The following NDST2 variants were observed in gnomAD, a reference collection of about 807,000 sequenced individuals.
The protein encoded by NDST2 is N-deacetylase and N-sulfotransferase 2.
Under a neutral mutation model 86.9 loss-of-function variants are expected in NDST2, and 32 were observed. That is an observed-to-expected ratio of 0.37 (90% CI 0.28 to 0.49). NDST2 has a LOEUF of 0.49. Among genes scored for constraint, NDST2 ranks in the 20% least tolerant of loss-of-function variants. The pLI, the probability that NDST2 is intolerant of heterozygous loss-of-function variation, is 0.97. For missense variants in NDST2, 950 were observed against 1,146.9 expected, an observed-to-expected ratio of 0.83 and a Z score of 2.48; for synonymous variants, 409 against 437.0, an observed-to-expected ratio of 0.94 and a Z score of 0.80.
intron 10 of NDST2, 72 bp from the exon 11 acceptor site, chr10:73,803,820 G>A: frequency 6.2e-7 from 1 of 1,613,750 alleles, no homozygotes; most frequent in Admixed American, 1.7e-5. Context: ...CTGTGCTGAG[G>A]GAAGCTGGAA....
rs369167719 is a variant in NDST2 at position 73,806,249 on chromosome 10, T to C, written c.1434+40A>G. 1.2e-6 allele frequency: 2 copies of C among 1,609,322 alleles called. No homozygotes were observed. The highest frequency in any genetic ancestry group is 2.2e-5 in the East Asian group (1 of 44,874). ...CAATGCATGTTGAAAGCTGTCTAAA[T>C]GTTAGAGTTTGATTCAAGCCTGTAT... On this transcript the variant is annotated intron_variant, in intron 6 of 14. Transcript: ENST00000309979. This position sits in a 1 kb window ranked among gnomAD's most constrained non-coding sequence, Gnocchi z 4.5.
Position 73,802,461 on chromosome 10 carries a change from CTG to C in NDST2, c.2640_2641del (p.Leu882GlyfsTer17), listed in dbSNP as rs1378956234. On this transcript the variant is annotated frameshift_variant, in exon 15 of 15. Coordinates refer to ENST00000309979, the MANE Select transcript of NDST2 (RefSeq NM_003635.4). LOFTEE classifies it high-confidence loss of function. ...TGGGAGGCTGGGACATCAGCCCAGA[CTG>C]GAATGCTGCAGTTCTTCCCGAAGCC... 6.2e-7 allele frequency: 1 copy of C among 1,612,940 alleles called. No homozygotes were observed. The highest frequency in any genetic ancestry group is 2.2e-5 in the East Asian group (1 of 44,870).
Position 73,806,703 on chromosome 10 carries a change from C to T in NDST2, c.1202G>A (p.Arg401His), listed in dbSNP as rs572437582. 6.0e-5 allele frequency: 97 copies of T among 1,614,164 alleles called. No homozygotes were observed. The East Asian group carries it at 9.4e-4, about 16-fold the overall frequency. Reference sequence around the variant, plus strand: ...CCTCATCTGGTCAGCCAGCACGGAGCGATTGTGGAACAGGTGTGGCTGCAT... The same window carrying T: ...CCTCATCTGGTCAGCCAGCACGGAGTGATTGTGGAACAGGTGTGGCTGCAT... ...SHMQPHLFHN[R>H]SVLADQMRLN... Residue 401 changes from arginine to histidine, a missense_variant, in exon 5 of 15, where the codon CGC (arginine) becomes CAC (histidine). Transcript: ENST00000309979. This position sits in a 1 kb window ranked among gnomAD's most constrained non-coding sequence, Gnocchi z 4.5.
At chr10:73,804,119 G>C in intron 9 of NDST2, 103 bp from the exon 10 acceptor site, 1 of 1,417,286 alleles carries the variant, frequency 7.1e-7, no homozygotes. Flanking sequence ...CTCTGGGTAG[G>C]AAAATCCCCT....
Position 73,808,451 on chromosome 10 carries a change from A to G in NDST2, c.-63T>C. On this transcript the variant is annotated 5_prime_UTR_variant, in exon 3 of 15. Transcript: ENST00000309979. This position sits in a 1 kb window ranked among gnomAD's most constrained non-coding sequence, Gnocchi z 4.3. ...TCAGGGGATGGGAGGTAGGAGTTCT[A>G]TAGGCTAGGACTGTCTTGGAAGGGT... 1.4e-6 allele frequency: 2 copies of G among 1,464,960 alleles called. No individual in the cohort carries two copies. Among genetic ancestry groups the G allele is most frequent in the African/African-American group, 1.4e-5 (1 of 71,308 alleles). 90.7% of individuals were successfully genotyped at this position (1,464,960 alleles called of 1,614,324 possible). A position where few individuals can be genotyped will look rare whatever the true frequency, so the allele number is the denominator to read the frequency against.
chr10:73,807,292 G>A (rs1309042624), intron 3 of NDST2, 92 bp downstream of exon 3: 13 of 1,565,716 alleles, frequency 8.3e-6, no homozygotes, highest in Non-Finnish European at 1.1e-5. Flanking sequence ...GGCAGGGAGT[G>A]TACCTATGAC....
chr10:73,802,016 T>TGACA lies in NDST2; in HGVS notation c.*431_*434dup. On this transcript the variant is annotated 3_prime_UTR_variant, in exon 15 of 15. Transcript: ENST00000309979. ...CGACCTCATCCCCATTCAATGTGAA[T>TGACA]GACATTAGGGAGGCCGGGCCACAGG... 1 of 356,242 alleles carries TGACA rather than the reference T, an allele frequency of 2.8e-6. No homozygotes were observed. Among genetic ancestry groups the TGACA allele is most frequent in the East Asian group, 7.6e-5 (1 of 13,120 alleles). The allele number at this position is 356,242 out of a possible 1,614,324, so 22.1% of individuals were successfully genotyped here.
chr10:73,806,441 C>T lies in NDST2; in HGVS notation c.1282G>A (p.Val428Met). 6.2e-7 allele frequency: 1 copy of T among 1,606,612 alleles called. No individual in the cohort carries two copies. Among genetic ancestry groups the T allele is most frequent in the South Asian group, 1.1e-5 (1 of 90,152 alleles). The change falls in exon 6 of 15, where the codon GTG becomes ATG. Residue 428 changes from valine (V) to methionine (M), a missense_variant. This residue lies in a region of NDST2 where 586 missense variants were observed against 714.0 expected (regional missense o/e 0.82). Coordinates refer to ENST00000309979, the MANE Select transcript of NDST2 (RefSeq NM_003635.4). The surrounding 1 kb of genome is among the most constrained non-coding windows in gnomAD (Gnocchi z 4.5). ...HGIPTDLGYA[V>M]APHHSGVYPI... ...TACACACCCGAGTGGTGGGGGGCCA[C>T]AGCATACCCCAGGTCCGTGGGAATC...
rs2084151264 is a variant in NDST2, at chr10:73,808,797, A to G, written c.-341-68T>C. 2 of 170,158 alleles carry G rather than the reference A, an allele frequency of 1.2e-5. No homozygotes were observed. The highest frequency in any genetic ancestry group is 4.8e-5 in the African/African-American group (2 of 41,270). 10.5% of individuals were successfully genotyped at this position (170,158 alleles called of 1,614,324 possible). Reference sequence around the variant, plus strand: ...TTGTCATTAATCCATTCTCCTCCCCATCCCATCTCTCTTACCTCCTGCTTA... The same window carrying G: ...TTGTCATTAATCCATTCTCCTCCCCGTCCCATCTCTCTTACCTCCTGCTTA... On this transcript the variant is annotated intron_variant, in intron 2 of 14. Transcript: ENST00000309979. The surrounding 1 kb of genome is among the most constrained non-coding windows in gnomAD (Gnocchi z 4.3).
At position 73,802,673 on chromosome 10, in the gene NDST2, C is replaced by A. The variant is rs554839383; in HGVS notation, c.2526+1G>T. ...ATTCCCCTGCCCCTGGCTTTACTTACCTCAGTGTCCATATCTGGATACCTC... is the reference window on the plus strand; with the variant it reads ...ATTCCCCTGCCCCTGGCTTTACTTAACTCAGTGTCCATATCTGGATACCTC... On this transcript the variant is annotated splice_donor_variant, in intron 14 of 14. Transcript: ENST00000309979. LOFTEE classifies it high-confidence loss of function. 4 of 1,614,196 alleles carry A rather than the reference C, an allele frequency of 2.5e-6. No individual in the cohort carries two copies. The highest frequency in any genetic ancestry group is 3.3e-5 in the Admixed American group (2 of 60,030).
In NDST2 at chr10:73,802,089, A is replaced by G; in HGVS notation, c.*362T>C. 1 of 372,914 alleles carries G rather than the reference A, an allele frequency of 2.7e-6. No homozygotes were observed. The highest frequency in any genetic ancestry group is 5.0e-6 in the Non-Finnish European group (1 of 200,578). 23.1% of individuals were successfully genotyped at this position (372,914 alleles called of 1,614,324 possible). ...GGGGCCATAGCAAGGGGTCCCTCCC[A>G]TGCAAGGGGTCTCTCCCATAGCCAG... On this transcript the variant is annotated 3_prime_UTR_variant, in exon 15 of 15. Coordinates refer to ENST00000309979, the MANE Select transcript of NDST2 (RefSeq NM_003635.4).
chr10:73,802,593 A>G lies in NDST2; in HGVS notation c.2527-17T>C. On this transcript the variant is annotated splice_polypyrimidine_tract_variant and intron_variant, in intron 14 of 14. Transcript: ENST00000309979. ...AAGACGGGACTGACAGGAGAAAATG[A>G]AGGCAGAAATGGTAAGAAGTGGGAC... 6.2e-7 allele frequency: 1 copy of G among 1,614,182 alleles called. No individual in the cohort carries two copies. The highest frequency in any genetic ancestry group is 2.2e-5 in the East Asian group (1 of 44,886).
At position 73,806,229 on chromosome 10, in the gene NDST2, C is replaced by A; in HGVS notation, c.1434+60G>T. On this transcript the variant is annotated intron_variant, in intron 6 of 14. Transcript: ENST00000309979. The surrounding 1 kb of genome is among the most constrained non-coding windows in gnomAD (Gnocchi z 4.5). ...AGTTGATAGAGAACATAGGTCAATGCATGTTGAAAGCTGTCTAAATGTTAG... is the reference window on the plus strand; with the variant it reads ...AGTTGATAGAGAACATAGGTCAATGAATGTTGAAAGCTGTCTAAATGTTAG... 2.5e-6 allele frequency: 4 copies of A among 1,597,286 alleles called. No individual in the cohort carries two copies. The highest frequency in any genetic ancestry group is 2.6e-6 in the Non-Finnish European group (3 of 1,166,594).
intron 8 of NDST2, among the ~76,000 whole-genome samples, chr10:73,805,082 G>A (rs1452328476): frequency 6.6e-6 from 1 of 151,810 alleles, no homozygotes; most frequent in East Asian, 2.0e-4. Context: ...TGTGTTTTTA[G>A]TAGAGACAGG....
chr10:73,802,606 T>C (rs1457452124), intron 14 of NDST2, 30 bp from the exon 15 acceptor site: 2 of 1,614,092 alleles, frequency 1.2e-6, no homozygotes, highest in Non-Finnish European at 1.7e-6. Flanking sequence ...GCAGAAATGG[T>C]AAGAAGTGGG....
At chr10:73,804,090 G>A (rs1242152440) in intron 9 of NDST2, 74 bp from the exon 10 acceptor site, 3 of 1,555,428 alleles carry the variant, frequency 1.9e-6, no homozygotes, top group East Asian at 4.5e-5. Context: ...TAAGCTTGAA[G>A]GAAGTGAAAA....
In NDST2 at chr10:73,802,965, C is replaced by T. The variant is rs988790066; in HGVS notation, c.2423+7G>A. 3 of 1,613,598 alleles carry T rather than the reference C, an allele frequency of 1.9e-6. No individual in the cohort carries two copies. Among genetic ancestry groups the T allele is most frequent in the Non-Finnish European group, 2.5e-6 (3 of 1,179,514 alleles). ...CAGTACTCCTCCCCTGGGTCATGCT[C>T]TCCCACCTGAGGGTCCGTGTGTAGT... On this transcript the variant is annotated splice_region_variant and intron_variant, in intron 13 of 14. Coordinates refer to ENST00000309979, the MANE Select transcript of NDST2 (RefSeq NM_003635.4).
chr10:73,808,119 A>G lies in NDST2; in HGVS notation c.270T>C (p.Phe90=), dbSNP rs769919682. The stretch of plus-strand genomic sequence containing the variant: ...CCAGCTGTGAGTATGCACTCTCCAC[A>G]AACACAAGGACCACGGGTTCAGTTC... ...TARTEPVVLV[F]VESAYSQLGQ... The change falls in exon 3 of 15, where the codon TTT becomes TTC. Residue 90 remains phenylalanine, a synonymous_variant. Coordinates refer to ENST00000309979, the MANE Select transcript of NDST2 (RefSeq NM_003635.4). The surrounding 1 kb of genome is among the most constrained non-coding windows in gnomAD (Gnocchi z 4.3). The G allele has an allele frequency of 6.2e-7, 1 of 1,614,214 alleles. No individual in the cohort carries two copies. The highest frequency in any genetic ancestry group is 8.5e-7 in the Non-Finnish European group (1 of 1,180,042).
In NDST2 at chr10:73,806,574, A is replaced by T. The variant is rs2084107226; in HGVS notation, c.1248+83T>A. 2 of 1,575,622 alleles carry T rather than the reference A, an allele frequency of 1.3e-6. No homozygotes were observed. Among genetic ancestry groups the T allele is most frequent in the African/African-American group, 2.7e-5 (2 of 73,676 alleles). ...CCAAATAAAGAAAAACGCAAAGGAT[A>T]GGAAAAGGGTAGCCCATTAGGGGAA... On this transcript the variant is annotated intron_variant, in intron 5 of 14. Coordinates refer to ENST00000309979, the MANE Select transcript of NDST2 (RefSeq NM_003635.4). The surrounding 1 kb of genome is among the most constrained non-coding windows in gnomAD (Gnocchi z 4.5).
Sources: gnomAD v4.1 joint callset for allele counts (sites outside exome capture counted in the v4.1 genomes callset) on GRCh38, gnomAD v4.1.1 for gene constraint, gnomAD v4.1.1 regional missense constraint, Gnocchi (gnomAD v3.1) non-coding constraint, MANE v1.5 for transcripts, NCBI Gene and HGNC (gene_info 2026-07-23, HGNC 2026-07-21) for gene names.